TMPO: variants seen among roughly 807,000 people sequenced by gnomAD.
TMPO encodes the protein thymopoietin.
A neutral mutation model predicts 45.4 loss-of-function variants in TMPO; 22 were observed. That is an observed-to-expected ratio of 0.48 (90% CI 0.35 to 0.69). The LOEUF is 0.69. Among genes scored for constraint, TMPO ranks in the 30% least tolerant of loss-of-function variants. TMPO has a pLI of 0.01. For missense variants in TMPO, 512 were observed against 548.8 expected (o/e 0.93, Z 0.67); for synonymous variants, 241 against 204.1 (o/e 1.18, Z -1.54).
intron 2 of TMPO, among the ~76,000 whole-genome samples, chr12:98,528,843 C>T (rs1876976333): frequency 6.6e-6 from 1 of 151,944 alleles, no homozygotes; most frequent in African/African-American, 2.4e-5. Flanking sequence ...TCTATTGTCC[C>T]AGCTACTTAG....
Position 98,528,316 on chromosome 12 carries a change from G to A in TMPO, c.406+304G>A, listed in dbSNP as rs112520632. Reference sequence around the variant, plus strand: ...TTTTGAGACGGAGTCTTGCTCTGTCGCCCAGGCTGTAGTGCAGTGACGCGA... The same window carrying A: ...TTTTGAGACGGAGTCTTGCTCTGTCACCCAGGCTGTAGTGCAGTGACGCGA... On this transcript the variant is annotated intron_variant, in intron 2 of 8. Coordinates refer to ENST00000556029, the MANE Select transcript of TMPO (RefSeq NM_001032283.3). 4.5e-3 allele frequency among the ~76,000 whole-genome samples: 663 copies of A among 146,304 alleles called. 7 individuals are homozygous for A. Among genetic ancestry groups the A allele is most frequent in the African/African-American group, 0.016 (635 of 39,344 alleles).
At chr12:98,519,509 G>GT (rs1876165151) in intron 1 of TMPO, among the ~76,000 whole-genome samples, 1 of 152,160 alleles carries the variant, frequency 6.6e-6, no homozygotes, top group Non-Finnish European at 1.5e-5. Flanking sequence ...CAGAAGTCAT[G>GT]TTTTTTAGAG....
chr12:98,531,310 C>G (rs1439129622), intron 2 of TMPO, among the ~76,000 whole-genome samples: 1 of 147,998 alleles, frequency 6.8e-6, no homozygotes, highest in African/African-American at 2.5e-5. Flanking sequence ...GATCTCAGCT[C>G]ACTGCAACCT....
Position 98,531,130 on chromosome 12 carries a change from G to C in TMPO, c.407-550G>C, listed in dbSNP as rs577365297. 1.9e-3 allele frequency among the ~76,000 whole-genome samples: 284 copies of C among 151,738 alleles called. 2 individuals carry two copies. The highest frequency in any genetic ancestry group is 6.5e-3 in the African/African-American group (268 of 41,386). Reference sequence around the variant, plus strand: ...ATTTTTTGTATTTGTGGTAGAGACTGGGTTTCACCATGTTGGTCAGGCTTG... The same window carrying C: ...ATTTTTTGTATTTGTGGTAGAGACTCGGTTTCACCATGTTGGTCAGGCTTG... On this transcript the variant is annotated intron_variant, in intron 2 of 8. Transcript: ENST00000556029.
chr12:98,544,637 TG>T lies in TMPO; in HGVS notation c.879+101del, dbSNP rs1450481533. 1.5e-5 allele frequency: 14 copies of T among 946,190 alleles called. No individual in the cohort carries two copies. In the Admixed American group the frequency reaches 2.0e-4, roughly 13 times the overall value. The allele number at this position is 946,190 out of a possible 1,614,324, so 58.6% of individuals were successfully genotyped here. ...AATTTTGGCAAATCTCAAATTTACA[TG>T]TTTTTTTTTTTTAACAATTTTAAAC... On this transcript the variant is annotated intron_variant, in intron 6 of 8. Transcript: ENST00000556029.
chr12:98,516,440 C>A lies in TMPO; in HGVS notation c.279+294C>A, dbSNP rs1235895525. On this transcript the variant is annotated intron_variant, in intron 1 of 8. Coordinates refer to ENST00000556029, the MANE Select transcript of TMPO (RefSeq NM_001032283.3). ...CGACGCCGCTTCCCTGGACCACCAG[C>A]CGCCTGCAGCGGGCGTTTAGACGGG... The A allele has an allele frequency of 6.1e-6, 7 of 1,155,840 alleles. No individual in the cohort carries two copies. The African/African-American group carries it at 1.1e-4, about 19-fold the overall frequency. 71.6% of individuals were successfully genotyped at this position (1,155,840 alleles called of 1,614,324 possible). A position where few individuals can be genotyped will look rare whatever the true frequency, so the allele number is the denominator to read the frequency against.
chr12:98,519,104 G>C (rs570845060), intron 1 of TMPO, among the ~76,000 whole-genome samples: 222 of 152,104 alleles, frequency 1.5e-3, no homozygotes, highest in African/African-American at 5.2e-3. Context: ...GGATGGCCTC[G>C]ATCTCCTGAC....
At chr12:98,532,423 G>A (rs760840022) in intron 3 of TMPO, among the ~76,000 whole-genome samples, 18 of 152,004 alleles carry the variant, frequency 1.2e-4, no homozygotes, top group Non-Finnish European at 2.2e-4. Context: ...CTATTGATAG[G>A]CATTTAAATT....
intron 7 of TMPO, 33 bp downstream of exon 7, chr12:98,545,094 T>C (rs1878146410): frequency 6.9e-7 from 1 of 1,457,320 alleles, no homozygotes; most frequent in Middle Eastern, 1.7e-4. Context: ...GATGCTATCA[T>C]TGATCTTTCA....
chr12:98,520,556 C>T (rs749170181), intron 1 of TMPO, among the ~76,000 whole-genome samples: 35 of 150,900 alleles, frequency 2.3e-4, no homozygotes, highest in Non-Finnish European at 4.6e-4. Context: ...CCACCTGCCT[C>T]GGCCTCCCAA....
chr12:98,521,100 A>ATTTTTTTTTT (rs398044704), intron 1 of TMPO, among the ~76,000 whole-genome samples: 2,655 of 76,654 alleles, frequency 0.035, 456 homozygotes, highest in Non-Finnish European at 0.051. Flanking sequence ...TTTATGAGGA[A>ATTTTTTTTTT]TTTTTTTTTT....
intron 1 of TMPO, 82 bp downstream of exon 1, chr12:98,516,228 C>G: frequency 7.6e-7 from 1 of 1,307,412 alleles, no homozygotes; most frequent in Non-Finnish European, 9.7e-7. Flanking sequence ...GCCCCTCCCT[C>G]CCGGGCGCCC....
chr12:98,534,318 TA>T, intron 3 of TMPO: 1 of 1,612,760 alleles, frequency 6.2e-7, no homozygotes. Flanking sequence ...GCAAAGTAAT[TA>T]AAAAGCGTGG....
At chr12:98,534,120 A>C (rs1411664522) in intron 3 of TMPO, 2 of 1,613,656 alleles carry the variant, frequency 1.2e-6, no homozygotes, top group Admixed American at 3.3e-5. Flanking sequence ...TGAGCAAAAC[A>C]TATGATGCAG....
chr12:98,531,631 T>C lies in TMPO; in HGVS notation c.407-49T>C, dbSNP rs374153815. ...TGCTGAAGATAGTGTCTGAGCTGCA[T>C]CCTAAATGAAACAATACAGGTACTA... On this transcript the variant is annotated intron_variant, in intron 2 of 8. Transcript: ENST00000556029. 46 of 1,586,128 alleles carry C rather than the reference T, an allele frequency of 2.9e-5. No homozygotes were observed. In the South Asian group the frequency reaches 4.2e-4, roughly 15 times the overall value.
intron 1 of TMPO, among the ~76,000 whole-genome samples, chr12:98,518,452 C>G (rs1418939595): frequency 6.9e-6 from 1 of 145,320 alleles, no homozygotes; most frequent in East Asian, 2.0e-4. Flanking sequence ...CACCGCTACA[C>G]CCGGCTAATT....
rs774388849 is a variant in TMPO, at chr12:98,537,552, A to G, written c.643A>G (p.Arg215Gly). Residue 215 changes from arginine to glycine, a missense_variant, in exon 4 of 9, where the codon AGA becomes GGA. This residue lies in a region of TMPO where 299 missense variants were observed against 296.7 expected (regional missense o/e 1.01). Transcript: ENST00000556029. ...AAAGACTCCAGTAACACTCAAGCAA[A>G]GAAGAGTTGAGCACAATCAGGTATC... is the stretch of plus-strand genomic sequence containing the variant. ...RAKTPVTLKQ[R>G]RVEHNQSYSQ... 6.2e-7 allele frequency: 1 copy of G among 1,613,180 alleles called. No individual in the cohort carries two copies. Among genetic ancestry groups the G allele is most frequent in the Non-Finnish European group, 8.5e-7 (1 of 1,179,406 alleles).
intron 3 of TMPO, chr12:98,533,899 A>C: frequency 1.2e-6 from 2 of 1,614,116 alleles, no homozygotes; most frequent in Non-Finnish European, 1.7e-6. Flanking sequence ...TTCTGAAGCC[A>C]CTCCACTAGG....
chr12:98,547,938 C>G lies in TMPO; in HGVS notation c.*80C>G. 3 of 1,469,442 alleles carry G rather than the reference C, an allele frequency of 2.0e-6. No homozygotes were observed. Among genetic ancestry groups the G allele is most frequent in the Non-Finnish European group, 2.8e-6 (3 of 1,067,834 alleles). The allele number at this position is 1,469,442 out of a possible 1,614,324, so 91.0% of individuals were successfully genotyped here. A position where few individuals can be genotyped will look rare whatever the true frequency, so the allele number is the denominator to read the frequency against. ...AAACATTTGTGTACACTTGTTGACT[C>G]CAAGAACTAAAAATAATGTGATTTC... is the stretch of plus-strand genomic sequence containing the variant. On this transcript the variant is annotated 3_prime_UTR_variant, in exon 9 of 9. Transcript: ENST00000556029.
Sources: gnomAD v4.1 joint callset for allele counts (sites outside exome capture counted in the v4.1 genomes callset) on GRCh38, gnomAD v4.1.1 for gene constraint, gnomAD v4.1.1 regional missense constraint, MANE v1.5 for transcripts, NCBI Gene and HGNC (gene_info 2026-07-23, HGNC 2026-07-21) for gene names.